The following ZNF292 variants were observed in gnomAD, a reference collection of about 807,000 sequenced individuals.
The protein encoded by ZNF292 is zinc finger protein 292, also known as 16 zinc-finger domain protein.
Under a neutral mutation model 217.9 loss-of-function variants are expected in ZNF292, and 26 were observed. The ratio of observed to expected loss-of-function variants is 0.12; its 90% CI spans 0.09 to 0.17. The LOEUF is 0.17. Ranked by LOEUF, ZNF292 falls within the 10% of genes least tolerant of loss-of-function variation. ZNF292 has a pLI of 1.00. For missense variants in ZNF292, 2,904 were observed against 3,175.2 expected, an observed-to-expected ratio of 0.91 and a Z score of 2.05; for synonymous variants, 1,257 against 1,124.1, an observed-to-expected ratio of 1.12 and a Z score of -2.37.
chr6:87,205,721 T>C (rs1412555005), intron 1 of ZNF292, among the ~76,000 whole-genome samples: 3 of 152,098 alleles, frequency 2.0e-5, no homozygotes, highest in African/African-American at 7.2e-5. Context: ...GATGACTAGG[T>C]TTAGTTTTGT....
intron 1 of ZNF292, among the ~76,000 whole-genome samples, chr6:87,164,277 G>C (rs1037673833): frequency 6.6e-6 from 1 of 152,124 alleles, no homozygotes; most frequent in African/African-American, 2.4e-5. Flanking sequence ...TCATTTTTCT[G>C]TTCTTAGCCT....
chr6:87,249,901 G>A (rs558093288), intron 7 of ZNF292, among the ~76,000 whole-genome samples: 1 of 151,780 alleles, frequency 6.6e-6, no homozygotes, highest in Admixed American at 6.6e-5. Context: ...GTAGAGACAG[G>A]GTTTTACTAT....
chr6:87,261,569 A>G lies in ZNF292; in HGVS notation c.7940A>G (p.Glu2647Gly), dbSNP rs1241412107. The G allele has an allele frequency of 1.9e-6, 3 of 1,610,678 alleles. No homozygotes were observed. In the Admixed American group the frequency reaches 5.0e-5, roughly 27 times the overall value. ...TSGNHVCPCK[E>G]SETFVQFANP... ...GGAAATCATGTATGTCCTTGTAAAG[A>G]AAGCGAAACGTTTGTACAGTTTGCC... The change falls in exon 8 of 8, where the codon GAA becomes GGA. Residue 2647 changes from glutamate to glycine, a missense_variant. This residue lies in a region of ZNF292 where 380 missense variants were observed against 355.3 expected (regional missense o/e 1.07). Coordinates refer to ENST00000369577, the MANE Select transcript of ZNF292 (RefSeq NM_015021.3).
rs529095490 is a variant in ZNF292 at position 87,245,759 on chromosome 6, G to A, written c.1020+115G>A. 14 of 658,532 alleles carry A rather than the reference G, an allele frequency of 2.1e-5. No homozygotes were observed. In the South Asian group the frequency reaches 2.2e-4, roughly 10 times the overall value. 40.8% of individuals were successfully genotyped at this position (658,532 alleles called of 1,614,324 possible). A position where few individuals can be genotyped will look rare whatever the true frequency, so the allele number is the denominator to read the frequency against. ...AGTGATTTTTAAATTTTTTCAGTTA[G>A]TCCTTTGAACATTTTCTTGTTAGTC... On this transcript the variant is annotated intron_variant, in intron 7 of 7. Coordinates refer to ENST00000369577, the MANE Select transcript of ZNF292 (RefSeq NM_015021.3).
rs779234902 is a variant in ZNF292 at position 87,155,770 on chromosome 6, C to T, written c.168+11C>T. ...CAGCAGCTGTGCCAGGTGAGGGCGC[C>T]CGGTGGTCCCCTCCCCCTTTCCCCA... On this transcript the variant is annotated intron_variant, in intron 1 of 7. Coordinates refer to ENST00000369577, the MANE Select transcript of ZNF292 (RefSeq NM_015021.3). 3.8e-4 allele frequency: 595 copies of T among 1,581,740 alleles called. 1 individual carries two copies. Among genetic ancestry groups the T allele is most frequent in the South Asian group, 5.4e-4 (47 of 86,958 alleles).
chr6:87,173,370 AT>A (rs1381820679), intron 1 of ZNF292: 1 of 152,546 alleles, frequency 6.6e-6, no homozygotes, highest in Non-Finnish European at 1.5e-5. Context: ...TTACTTTTTT[AT>A]TTTCTGTTTA....
intron 1 of ZNF292, among the ~76,000 whole-genome samples, chr6:87,156,140 C>A (rs1439370753): frequency 6.6e-6 from 1 of 152,242 alleles, no homozygotes. Context: ...ACCGCGCCTC[C>A]CGCCTCTGCG....
At chr6:87,169,675 GT>G in intron 1 of ZNF292, 1 of 438,984 alleles carries the variant, frequency 2.3e-6, no homozygotes, top group South Asian at 1.6e-5. Context: ...TTGAGACAGG[GT>G]CTCACTGTCA....
Position 87,259,004 on chromosome 6 carries a change from A to G in ZNF292, c.5375A>G (p.Asn1792Ser), listed in dbSNP as rs1193894369. Residue 1792 changes from asparagine (N) to serine (S), a missense_variant, in exon 8 of 8, where the codon AAC (asparagine) becomes AGC (serine). Physicochemically the swap from Asn to Ser is conservative, Grantham distance 46 (BLOSUM62 1). Around this residue, in one of 15 missense-constraint regions of ZNF292, gnomAD observed 622 missense variants for 573.1 expected, o/e 1.09. Transcript: ENST00000369577. ...TCACAAAATGCTCAAATAAATTATA[A>G]CATTCAGCTTCCTTCAGTAAACACT... ...ETSQNAQINYNIQLPSVNTVQ... is the reference protein window; with the variant it reads ...ETSQNAQINYSIQLPSVNTVQ... The G allele has an allele frequency of 6.2e-7, 1 of 1,613,532 alleles. No individual in the cohort carries two copies. The highest frequency in any genetic ancestry group is 1.1e-5 in the South Asian group (1 of 91,054).
At position 87,257,450 on chromosome 6, in the gene ZNF292, T is replaced by G. The variant is rs768202664; in HGVS notation, c.3821T>G (p.Leu1274Arg). 3 of 1,613,562 alleles carry G rather than the reference T, an allele frequency of 1.9e-6. No individual in the cohort carries two copies. The Admixed American group carries it at 5.0e-5, about 27-fold the overall frequency. The change falls in exon 8 of 8, where the codon CTC becomes CGC. Residue 1274 changes from leucine (L) to arginine (R), a missense_variant. By Grantham distance (102) the Leu-to-Arg change is moderately radical (BLOSUM62 -2). Coordinates refer to ENST00000369577, the MANE Select transcript of ZNF292 (RefSeq NM_015021.3). ...CCTGCAGAAAGTAGTTCAATGTCTC[T>G]CTTCCCTTCACCAGCAGATAGTGGG... is the stretch of plus-strand genomic sequence containing the variant. ...PLPAESSSMSLFPSPADSGTN... is the reference protein window; with the variant it reads ...PLPAESSSMSRFPSPADSGTN...
At chr6:87,188,078 C>T (rs1272257723) in intron 1 of ZNF292, among the ~76,000 whole-genome samples, 1 of 152,128 alleles carries the variant, frequency 6.6e-6, no homozygotes, top group Admixed American at 6.5e-5. Context: ...GGAAAAGACC[C>T]TAAAAGACTG....
chr6:87,230,621 C>T (rs920871045), intron 4 of ZNF292, among the ~76,000 whole-genome samples: 2 of 151,772 alleles, frequency 1.3e-5, no homozygotes, highest in African/African-American at 4.8e-5. Flanking sequence ...GTAGTCCCAG[C>T]TACTTGGGAG....
At chr6:87,157,083 T>A (rs536850380) in intron 1 of ZNF292, among the ~76,000 whole-genome samples, 1 of 152,248 alleles carries the variant, frequency 6.6e-6, no homozygotes, top group Admixed American at 6.5e-5. Flanking sequence ...TGAAATATTT[T>A]CTTTATTATG....
intron 4 of ZNF292, among the ~76,000 whole-genome samples, chr6:87,229,142 G>C (rs755950629): frequency 8.6e-5 from 13 of 151,860 alleles, no homozygotes; most frequent in Non-Finnish European, 1.8e-4. Context: ...TCCTTGGTTA[G>C]CTTTATTCTT....
chr6:87,254,151 G>T (rs893851118), intron 7 of ZNF292, among the ~76,000 whole-genome samples: 1 of 152,166 alleles, frequency 6.6e-6, no homozygotes, highest in South Asian at 2.1e-4. Context: ...GAAATATGGG[G>T]ATGTTCTCAG....
rs1328756558 is a variant in ZNF292, at chr6:87,265,518, C to T, written c.*3717C>T. Among the ~76,000 whole-genome samples the T allele has an allele frequency of 1.3e-5, 2 of 152,038 alleles. No homozygotes were observed. Among genetic ancestry groups the T allele is most frequent in the East Asian group, 1.9e-4 (1 of 5,202 alleles). ...TACAAGCATGAGCCACCACACCCAG[C>T]CTCTCTTAAATAATTTAATGCATGT... On this transcript the variant is annotated 3_prime_UTR_variant, in exon 8 of 8. Transcript: ENST00000369577.
chr6:87,260,913 A>C lies in ZNF292; in HGVS notation c.7284A>C (p.Lys2428Asn). 6.2e-7 allele frequency: 1 copy of C among 1,610,976 alleles called. No homozygotes were observed. Among genetic ancestry groups the C allele is most frequent in the Non-Finnish European group, 8.5e-7 (1 of 1,178,380 alleles). The change falls in exon 8 of 8, where the codon AAA becomes AAC. Residue 2428 changes from lysine (K) to asparagine (N), a missense_variant. Physicochemically the swap from Lys to Asn is moderately conservative, Grantham distance 94 (BLOSUM62 0). Around this residue, in one of 15 missense-constraint regions of ZNF292, gnomAD observed 380 missense variants for 355.3 expected, o/e 1.07. Transcript: ENST00000369577. ...ACCGAAATCTTCTTATTGTATTCAA[A>C]CGGTGTTGCAACTCACAAGTAAAGG... Reference protein sequence around the residue: ...SQHRNLLIVFKRCCNSQVKET... With the variant: ...SQHRNLLIVFNRCCNSQVKET...
Position 87,260,438 on chromosome 6 carries a change from G to A in ZNF292, c.6809G>A (p.Arg2270Gln), listed in dbSNP as rs1256417163. Residue 2270 changes from arginine (R) to glutamine (Q), a missense_variant, in exon 8 of 8, where the codon CGG (arginine) becomes CAG (glutamine). Physicochemically the swap from Arg to Gln is conservative, Grantham distance 43. Transcript: ENST00000369577. ...CEGCDRIYAT[R>Q]SNLLRHIFNK... ...GGCTGTGACCGTATATATGCAACCCGGTCGAATCTCCTCCGACACATTTTT... is the reference window on the plus strand; with the variant it reads ...GGCTGTGACCGTATATATGCAACCCAGTCGAATCTCCTCCGACACATTTTT... The A allele has an allele frequency of 5.6e-6, 9 of 1,613,428 alleles. No individual in the cohort carries two copies. The highest frequency in any genetic ancestry group is 2.7e-5 in the African/African-American group (2 of 74,868).
In ZNF292 at chr6:87,216,106, TAG is replaced by T. The variant is rs1397447951; in HGVS notation, c.323+51_323+52del. The T allele has an allele frequency of 2.7e-4, 255 of 951,872 alleles. 3 individuals carry two copies. The African/African-American group carries it at 3.0e-3, about 11-fold the overall frequency. 59.0% of individuals were successfully genotyped at this position (951,872 alleles called of 1,614,324 possible). A position where few individuals can be genotyped will look rare whatever the true frequency, so the allele number is the denominator to read the frequency against. On this transcript the variant is annotated intron_variant, in intron 2 of 7. Transcript: ENST00000369577. ...AACTAGATTTAGCTTTAAAAATACA[TAG>T]ACACACACACACACACACACACACA...
Sources: allele counts gnomAD v4.1 joint callset (sites outside exome capture counted in the v4.1 genomes callset), GRCh38; gene constraint gnomAD v4.1.1; regional missense constraint gnomAD v4.1.1; transcripts MANE v1.5; gene names NCBI Gene and HGNC (gene_info 2026-07-23, HGNC 2026-07-21).